The following PDGFC variants were observed in gnomAD, a reference collection of about 807,000 sequenced individuals.
The protein encoded by PDGFC is platelet derived growth factor C.
A neutral mutation model predicts 35.5 loss-of-function variants in PDGFC; 12 were observed. That is an observed-to-expected ratio of 0.34 (90% CI 0.22 to 0.55). PDGFC has a LOEUF of 0.55. Among genes scored for constraint, PDGFC ranks in the 20% least tolerant of loss-of-function variants. The pLI is 0.91. For synonymous variants in PDGFC, 159 were observed against 148.8 expected, an observed-to-expected ratio of 1.07 and a Z score of -0.50; for missense variants, 322 against 412.4, an observed-to-expected ratio of 0.78 and a Z score of 1.90.
At chr4:156,912,463 C>A (rs1241169651) in intron 1 of PDGFC, among the ~76,000 whole-genome samples, 1 of 152,104 alleles carries the variant, frequency 6.6e-6, no homozygotes, top group Non-Finnish European at 1.5e-5. Flanking sequence ...AGAAAACTTC[C>A]CTGACTGCTT....
intron 1 of PDGFC, among the ~76,000 whole-genome samples, chr4:156,956,295 A>C (rs958395055): frequency 2.6e-5 from 4 of 152,028 alleles, no homozygotes; most frequent in Non-Finnish European, 5.9e-5. Flanking sequence ...GGAGAACAAC[A>C]ATGTAGACTT....
chr4:156,852,813 C>T (rs150423118), intron 1 of PDGFC, among the ~76,000 whole-genome samples: 1 of 152,224 alleles, frequency 6.6e-6, no homozygotes, highest in African/African-American at 2.4e-5. Context: ...TTTGAAAATG[C>T]AGGAAGCCAT....
chr4:156,971,414 C>A lies in PDGFC; in HGVS notation c.-511G>T, dbSNP rs1050769181. 2.6e-6 allele frequency: 1 copy of A among 383,812 alleles called. No homozygotes were observed. Among genetic ancestry groups the A allele is most frequent in the African/African-American group, 2.1e-5 (1 of 47,952 alleles). The allele number at this position is 383,812 out of a possible 1,614,324, so 23.8% of individuals were successfully genotyped here. ...CCGGGCGCCCCTCTCCCCCGCCCCA[C>A]CCCCCACCCCCGAAGGGGGAGGGGG... On this transcript the variant is annotated 5_prime_UTR_variant, in exon 1 of 6. Coordinates refer to ENST00000502773, the MANE Select transcript of PDGFC (RefSeq NM_016205.3).
At chr4:156,773,405 A>G (rs921659015) in intron 3 of PDGFC, among the ~76,000 whole-genome samples, 1 of 152,224 alleles carries the variant, frequency 6.6e-6, no homozygotes, top group Non-Finnish European at 1.5e-5. Flanking sequence ...TCTAAATCAT[A>G]AAAGATCAGC....
rs374040936 is a variant in PDGFC at position 156,882,662 on chromosome 4, T to G, written c.119-32246A>C. Among the ~76,000 whole-genome samples, 23 of 152,334 alleles carry G rather than the reference T, an allele frequency of 1.5e-4. 1 individual carries two copies. The highest frequency in any genetic ancestry group is 7.7e-4 in the East Asian group (4 of 5,186). On this transcript the variant is annotated intron_variant, in intron 1 of 5. Transcript: ENST00000502773. ...AAAAATGCTTACATTGTATTCTATGTCAATCTTTTGACTAAAAGTGACAGT... is the reference window on the plus strand; with the variant it reads ...AAAAATGCTTACATTGTATTCTATGGCAATCTTTTGACTAAAAGTGACAGT...
At position 156,970,958 on chromosome 4, in the gene PDGFC, C is replaced by T; in HGVS notation, c.-55G>A. ...GGCGGGCACTTTGGAAGCAGCGACTCCCGAGTCTCTTTCACCACCGCCAGG... is the reference window on the plus strand; with the variant it reads ...GGCGGGCACTTTGGAAGCAGCGACTTCCGAGTCTCTTTCACCACCGCCAGG... On this transcript the variant is annotated 5_prime_UTR_variant, in exon 1 of 6. Transcript: ENST00000502773. 8.7e-7 allele frequency: 1 copy of T among 1,151,992 alleles called. No homozygotes were observed. 71.4% of individuals were successfully genotyped at this position (1,151,992 alleles called of 1,614,324 possible).
At chr4:156,847,327 GCATAT>G (rs962980529) in intron 2 of PDGFC, among the ~76,000 whole-genome samples, 1 of 151,644 alleles carries the variant, frequency 6.6e-6, no homozygotes, top group African/African-American at 2.4e-5. Flanking sequence ...TATGATAAGG[GCATAT>G]CACCTATTTG....
At chr4:156,890,519 AC>A (rs1170605944) in intron 1 of PDGFC, among the ~76,000 whole-genome samples, 1 of 152,060 alleles carries the variant, frequency 6.6e-6, no homozygotes, top group African/African-American at 2.4e-5. Context: ...AGCTTTTCTG[AC>A]CAGTCTTTCC....
intron 1 of PDGFC, among the ~76,000 whole-genome samples, chr4:156,900,721 G>A (rs1049336396): frequency 2.6e-5 from 4 of 152,096 alleles, no homozygotes; most frequent in Admixed American, 2.0e-4. Context: ...GCACATGCCA[G>A]ATACTCAGAA....
At chr4:156,964,361 A>G (rs1421340606) in intron 1 of PDGFC, among the ~76,000 whole-genome samples, 1 of 150,040 alleles carries the variant, frequency 6.7e-6, no homozygotes, top group African/African-American at 2.4e-5. Flanking sequence ...CCAATTTGTC[A>G]GATGCCTACA....
chr4:156,875,918 A>G (rs1579071341), intron 1 of PDGFC, among the ~76,000 whole-genome samples: 2 of 152,278 alleles, frequency 1.3e-5, no homozygotes, highest in East Asian at 3.9e-4. Context: ...AAAACTGAAG[A>G]AATTATTTCA....
At chr4:156,807,338 T>C (rs1731795746) in intron 3 of PDGFC, among the ~76,000 whole-genome samples, 1 of 151,708 alleles carries the variant, frequency 6.6e-6, no homozygotes, top group South Asian at 2.1e-4. Flanking sequence ...TAACACCAAA[T>C]GAAAAAATGG....
At chr4:156,855,873 A>G (rs1432380682) in intron 1 of PDGFC, among the ~76,000 whole-genome samples, 1 of 152,148 alleles carries the variant, frequency 6.6e-6, no homozygotes, top group Non-Finnish European at 1.5e-5. Context: ...CACTGGCTCC[A>G]TGAGCTGGTG....
intron 2 of PDGFC, among the ~76,000 whole-genome samples, chr4:156,839,107 T>TGGCTACTTG (rs1374589046): frequency 6.6e-6 from 1 of 152,218 alleles, no homozygotes; most frequent in Non-Finnish European, 1.5e-5. Context: ...TTGAAACATA[T>TGGCTACTTG]GGCTACTTGA....
intron 1 of PDGFC, among the ~76,000 whole-genome samples, chr4:156,959,811 C>T (rs1015859822): frequency 6.6e-6 from 1 of 151,948 alleles, no homozygotes; most frequent in African/African-American, 2.4e-5. Flanking sequence ...AAAATCCAGA[C>T]ACCCTAATTG....
chr4:156,956,180 C>A (rs1298308413), intron 1 of PDGFC, among the ~76,000 whole-genome samples: 1 of 151,980 alleles, frequency 6.6e-6, no homozygotes, highest in Non-Finnish European at 1.5e-5. Flanking sequence ...AAAGAGTTGG[C>A]AGAGCAATAC....
chr4:156,764,146 G>A (rs971782325), intron 5 of PDGFC, among the ~76,000 whole-genome samples: 2 of 151,992 alleles, frequency 1.3e-5, no homozygotes, highest in African/African-American at 2.4e-5. Flanking sequence ...CTACTTTTTG[G>A]ATACGACATA....
Position 156,794,589 on chromosome 4 carries a change from AT to A in PDGFC, c.495+16247del, listed in dbSNP as rs1294523930. ...CTTTTCCTTTACTTTGGTGAGTAAT[AT>A]TTTTTACAAGACCTTTTGCTTTTTA... On this transcript the variant is annotated intron_variant, in intron 3 of 5. Transcript: ENST00000502773. Among the ~76,000 whole-genome samples, 6 of 151,870 alleles carry A rather than the reference AT, an allele frequency of 4.0e-5. 1 individual carries two copies. In the East Asian group the frequency reaches 1.2e-3, roughly 29 times the overall value.
intron 1 of PDGFC, among the ~76,000 whole-genome samples, chr4:156,852,226 G>A (rs548370779): frequency 6.6e-6 from 1 of 152,140 alleles, no homozygotes; most frequent in South Asian, 2.1e-4. Context: ...GCACAACACT[G>A]AACACTGTAT....
Sources: gnomAD v4.1 joint callset for allele counts (sites outside exome capture counted in the v4.1 genomes callset) on GRCh38, gnomAD v4.1.1 for gene constraint, MANE v1.5 for transcripts, NCBI Gene and HGNC (gene_info 2026-07-23, HGNC 2026-07-21) for gene names.